CSMD3: variants seen among roughly 807,000 people sequenced by gnomAD.
CSMD3 encodes the protein CUB and Sushi multiple domains 3, also known as CUB and sushi domain-containing protein 3.
Under a neutral mutation model 435.2 loss-of-function variants are expected in CSMD3, and 177 were observed. That is an observed-to-expected ratio of 0.41 (90% CI 0.36 to 0.46). The LOEUF is 0.46. CSMD3 is among the 20% of genes least tolerant of loss of function. CSMD3 has a pLI of 0.34. For synonymous variants in CSMD3, 1,656 were observed against 1,520.5 expected (o/e 1.09, Z -2.07); for missense variants, 4,265 against 4,504.6 (o/e 0.95, Z 1.52).
At chr8:113,118,509 A>G (rs976729879) in intron 4 of CSMD3, among the ~76,000 whole-genome samples, 3 of 152,096 alleles carry the variant, frequency 2.0e-5, no homozygotes, top group African/African-American at 7.2e-5. Context: ...TTGTAAAATT[A>G]TTACTGACTG....
At chr8:112,635,786 G>C (rs1369783726) in intron 22 of CSMD3, among the ~76,000 whole-genome samples, 3 of 151,988 alleles carry the variant, frequency 2.0e-5, no homozygotes, top group African/African-American at 7.2e-5. Context: ...ACAATATATT[G>C]AATAAGGCAA....
chr8:112,260,903 A>T (rs1816323310), intron 61 of CSMD3, among the ~76,000 whole-genome samples: 1 of 152,152 alleles, frequency 6.6e-6, no homozygotes, highest in African/African-American at 2.4e-5. Flanking sequence ...GGACTTCTCC[A>T]CTACTCAATA....
chr8:112,284,853 A>G (rs987756469), intron 58 of CSMD3, among the ~76,000 whole-genome samples: 2 of 151,998 alleles, frequency 1.3e-5, no homozygotes, highest in Non-Finnish European at 2.9e-5. Flanking sequence ...AACAATAAAA[A>G]TCATCTTGAA....
At chr8:113,335,618 T>C (rs1390816961) in intron 1 of CSMD3, among the ~76,000 whole-genome samples, 1 of 145,884 alleles carries the variant, frequency 6.9e-6, no homozygotes, top group Non-Finnish European at 1.5e-5. Flanking sequence ...GAATATATAT[T>C]ACAATGTTGT....
chr8:113,219,425 T>C (rs2092942545), intron 3 of CSMD3, among the ~76,000 whole-genome samples: 2 of 151,272 alleles, frequency 1.3e-5, no homozygotes, highest in Non-Finnish European at 3.0e-5. Context: ...GCACAAATGA[T>C]AATCAGTTAG....
chr8:112,732,596 G>A (rs1024536449), intron 13 of CSMD3, among the ~76,000 whole-genome samples: 4 of 150,832 alleles, frequency 2.7e-5, no homozygotes, highest in African/African-American at 9.8e-5. Context: ...GCTGGGCATG[G>A]TGGTGCATGC....
chr8:113,261,211 C>T (rs746841293), intron 3 of CSMD3, among the ~76,000 whole-genome samples: 2 of 152,044 alleles, frequency 1.3e-5, no homozygotes, highest in African/African-American at 2.4e-5. Context: ...TTTAATTAAA[C>T]TTACCAAAAT....
intron 9 of CSMD3, among the ~76,000 whole-genome samples, chr8:112,924,029 GA>G (rs1302769065): frequency 7.7e-6 from 1 of 130,000 alleles, no homozygotes; most frequent in Non-Finnish European, 1.7e-5. Flanking sequence ...AGAAAATAAA[GA>G]GAGGGGTATG....
intron 13 of CSMD3, among the ~76,000 whole-genome samples, chr8:112,780,695 A>C (rs1194863546): frequency 6.6e-6 from 1 of 152,012 alleles, no homozygotes. Flanking sequence ...TTGCATAGGA[A>C]CTCAGTGTTG....
chr8:113,096,446 C>T (rs2090165017), intron 5 of CSMD3, among the ~76,000 whole-genome samples: 1 of 152,106 alleles, frequency 6.6e-6, no homozygotes, highest in Non-Finnish European at 1.5e-5. Flanking sequence ...CTCACCTCCA[C>T]TGCTATTTTC....
intron 32 of CSMD3, among the ~76,000 whole-genome samples, chr8:112,443,895 T>C (rs1374576228): frequency 6.6e-6 from 1 of 152,144 alleles, no homozygotes; most frequent in Admixed American, 6.6e-5. Flanking sequence ...TGTCAGACCC[T>C]GCATCATTAT....
At chr8:113,413,330 T>C (rs886931067) in intron 1 of CSMD3, among the ~76,000 whole-genome samples, 3 of 152,140 alleles carry the variant, frequency 2.0e-5, no homozygotes, top group African/African-American at 4.8e-5. Context: ...TTTCATTCTA[T>C]ACAAATAACT....
At chr8:112,900,874 T>A (rs1233498419) in intron 10 of CSMD3, among the ~76,000 whole-genome samples, 6 of 151,196 alleles carry the variant, frequency 4.0e-5, no homozygotes, top group Admixed American at 4.0e-4. Context: ...GAGGAGATAT[T>A]AGGTAGAGGC....
chr8:112,975,694 A>C, intron 7 of CSMD3, 143 bp downstream of exon 7: 1 of 1,218,600 alleles, frequency 8.2e-7, no homozygotes, highest in Non-Finnish European at 1.2e-6. Flanking sequence ...GGTTGTTACT[A>C]TCCATATTTT....
chr8:112,520,543 C>T (rs976411347), intron 27 of CSMD3, among the ~76,000 whole-genome samples: 11 of 151,778 alleles, frequency 7.2e-5, no homozygotes, highest in African/African-American at 2.2e-4. Flanking sequence ...AAAAAAAATT[C>T]GACCAATTTG....
chr8:113,433,691 C>A lies in CSMD3; in HGVS notation c.178+2986G>T, dbSNP rs189450591. The stretch of plus-strand genomic sequence containing the variant: ...GTGCCTTCGCGGTACCTTCGCTGCA[C>A]GGTGTGTGTTCCCCTGGGATCCACT... On this transcript the variant is annotated intron_variant, in intron 1 of 70. Coordinates refer to ENST00000297405, the MANE Select transcript of CSMD3 (RefSeq NM_198123.2). Among the ~76,000 whole-genome samples the A allele has an allele frequency of 4.9e-3, 749 of 152,296 alleles. 10 individuals carry two copies. Among genetic ancestry groups the A allele is most frequent in the African/African-American group, 0.017 (708 of 41,572 alleles).
chr8:112,766,128 G>A (rs541468432), intron 13 of CSMD3, among the ~76,000 whole-genome samples: 1 of 151,794 alleles, frequency 6.6e-6, no homozygotes, highest in Admixed American at 6.6e-5. Context: ...CACAGGTGGA[G>A]AGGAGTTGGA....
At chr8:113,108,018 A>T (rs916322858) in intron 4 of CSMD3, among the ~76,000 whole-genome samples, 5 of 152,236 alleles carry the variant, frequency 3.3e-5, no homozygotes, top group African/African-American at 4.8e-5. Flanking sequence ...TACAGAATAG[A>T]ATAAACAGAA....
chr8:112,343,001 TTATATATA>T lies in CSMD3; in HGVS notation c.6443-1323_6443-1316del, dbSNP rs34740069. Among the ~76,000 whole-genome samples, 3 of 109,678 alleles carry T rather than the reference TTATATATA, an allele frequency of 2.7e-5. No individual in the cohort carries two copies. In the East Asian group the frequency reaches 7.9e-4, roughly 29 times the overall value. 72.0% of individuals were successfully genotyped at this position (109,678 alleles called of 152,430 possible). A position where few individuals can be genotyped will look rare whatever the true frequency, so the allele number is the denominator to read the frequency against. On this transcript the variant is annotated intron_variant, in intron 41 of 70. Transcript: ENST00000297405. Reference sequence around the variant, plus strand: ...TATATATATATTTATATATATATATTTATATATATATATATTTATATATATATATATAG... The same window carrying T: ...TATATATATATTTATATATATATATTTATATATTTATATATATATATATAG...
Sources: allele counts gnomAD v4.1 joint callset (sites outside exome capture counted in the v4.1 genomes callset), GRCh38; gene constraint gnomAD v4.1.1; transcripts MANE v1.5; gene names NCBI Gene and HGNC (gene_info 2026-07-23, HGNC 2026-07-21).